ZSCAN9: variants seen among roughly 807,000 people sequenced by gnomAD.
ZSCAN9 encodes the protein zinc finger and SCAN domain-containing protein 9.
In ZSCAN9, 19 loss-of-function variants were observed where a neutral mutation model predicts 23.0. That is an observed-to-expected ratio of 0.83 (90% CI 0.58 to 1.21). ZSCAN9 has a LOEUF of 1.21. Among genes scored for constraint, ZSCAN9 ranks in the 50% most tolerant of loss-of-function variants. ZSCAN9 has a pLI of 0.00. For synonymous variants in ZSCAN9, 155 were observed against 164.8 expected (o/e 0.94, Z 0.46); for missense variants, 467 against 471.5 (o/e 0.99, Z 0.09).
At chr6:28,227,980 G>A (rs998438208) in intron 3 of ZSCAN9, 143 bp downstream of exon 3, 1 of 1,012,244 alleles carries the variant, frequency 9.9e-7, no homozygotes, top group African/African-American at 1.6e-5. Flanking sequence ...AGAGCCTAGT[G>A]TGCTCATCTT....
intron 3 of ZSCAN9, among the ~76,000 whole-genome samples, chr6:28,232,235 G>C (rs562712719): frequency 6.6e-6 from 1 of 152,328 alleles, no homozygotes; most frequent in East Asian, 1.9e-4. Context: ...GGAGACTGAG[G>C]CAGGAGAATC....
chr6:28,227,641 TCAGA>T (rs1420353776), intron 2 of ZSCAN9, 45 bp from the exon 3 acceptor site: 4 of 1,581,498 alleles, frequency 2.5e-6, no homozygotes, highest in Non-Finnish European at 3.4e-6. Context: ...AGTGTTTATT[TCAGA>T]CAGTTAATTT....
chr6:28,233,040 G>T lies in ZSCAN9; in HGVS notation c.1047G>T (p.Arg349=). 1 of 1,614,150 alleles carries T rather than the reference G, an allele frequency of 6.2e-7. No homozygotes were observed. Among genetic ancestry groups the T allele is most frequent in the Non-Finnish European group, 8.5e-7 (1 of 1,180,000 alleles). The change falls in exon 4 of 4, where the codon CGG becomes CGT. Residue 349 remains arginine (R), a synonymous_variant. Transcript: ENST00000252207. ...GCCAGTGCAGTAAGAGCTACAGTCG[G>T]CGTTCATTTCTCATTGAACATCAGA... is the stretch of plus-strand genomic sequence containing the variant. ...QCSQCSKSYS[R]RSFLIEHQRS... is the part of the protein sequence containing the mutation.
chr6:28,231,590 C>T (rs1760302426), intron 3 of ZSCAN9, among the ~76,000 whole-genome samples: 1 of 152,130 alleles, frequency 6.6e-6, no homozygotes, highest in Non-Finnish European at 1.5e-5. Context: ...ACTAAAAATA[C>T]AAACAAACAA....
At chr6:28,225,707 A>G (rs1259410415) in intron 1 of ZSCAN9, among the ~76,000 whole-genome samples, 1 of 152,202 alleles carries the variant, frequency 6.6e-6, no homozygotes, top group East Asian at 1.9e-4. Context: ...ATACCCTCTT[A>G]CCTCTAGATT....
Position 28,232,906 on chromosome 6 carries a change from A to G in ZSCAN9, c.913A>G (p.Asn305Asp). Residue 305 changes from asparagine (N) to aspartate (D), a missense_variant, in exon 4 of 4, where the codon AAT (asparagine) becomes GAT (aspartate). Physicochemically the swap from Asn to Asp is conservative, Grantham distance 23. Coordinates refer to ENST00000252207, the MANE Select transcript of ZSCAN9 (RefSeq NM_006299.5). ...SGLFNHRGIH[N>D]IQKRYHCKEC... The stretch of plus-strand genomic sequence containing the variant: ...TCTTTTTAATCACCGAGGAATCCAC[A>G]ATATACAGAAACGGTACCACTGCAA... The G allele has an allele frequency of 6.2e-7, 1 of 1,614,200 alleles. No individual in the cohort carries two copies.
Position 28,227,299 on chromosome 6 carries a change from G to C in ZSCAN9, c.215G>C (p.Arg72Pro). 1.2e-6 allele frequency: 2 copies of C among 1,614,200 alleles called. No homozygotes were observed. The highest frequency in any genetic ancestry group is 1.7e-6 in the Non-Finnish European group (2 of 1,180,034). ...ETPGPREALT[R>P]LQELCYQWLR... ...CCTGGACCAAGGGAGGCTCTTACTC[G>C]ACTCCAGGAACTTTGCTACCAGTGG... The change falls in exon 2 of 4, where the codon CGA becomes CCA. Residue 72 changes from arginine to proline, a missense_variant. Transcript: ENST00000252207.
At chr6:28,232,346 AAAC>A (rs909392509) in intron 3 of ZSCAN9, among the ~76,000 whole-genome samples, 25 of 152,098 alleles carry the variant, frequency 1.6e-4, no homozygotes, top group African/African-American at 4.6e-4. Flanking sequence ...ACAAAACAAA[AAAC>A]AACGACTCAG....
rs200626964 is a variant in ZSCAN9, at chr6:28,232,937, G to A, written c.944G>A (p.Cys315Tyr). 6.2e-7 allele frequency: 1 copy of A among 1,614,088 alleles called. No individual in the cohort carries two copies. The highest frequency in any genetic ancestry group is 1.1e-5 in the South Asian group (1 of 91,086). ...NIQKRYHCKE[C>Y]GKVFSQSAGL... ...CAGAAACGGTACCACTGCAAGGAGT[G>A]TGGGAAGGTCTTCAGTCAGAGTGCG... Residue 315 changes from cysteine (C) to tyrosine (Y), a missense_variant, in exon 4 of 4, where the codon TGT (cysteine) becomes TAT (tyrosine). Coordinates refer to ENST00000252207, the MANE Select transcript of ZSCAN9 (RefSeq NM_006299.5).
At chr6:28,232,462 A>C in intron 3 of ZSCAN9, 100 bp from the exon 4 acceptor site, 1 of 1,506,390 alleles carries the variant, frequency 6.6e-7, no homozygotes, top group Non-Finnish European at 8.8e-7. Context: ...TTCTGTTTCT[A>C]GCCCACTTCC....
chr6:28,232,922 A>G lies in ZSCAN9; in HGVS notation c.929A>G (p.Tyr310Cys). The G allele has an allele frequency of 6.2e-7, 1 of 1,614,228 alleles. No homozygotes were observed. Among genetic ancestry groups the G allele is most frequent in the East Asian group, 2.2e-5 (1 of 44,890 alleles). ...HRGIHNIQKR[Y>C]HCKECGKVFS... ...GGAATCCACAATATACAGAAACGGT[A>G]CCACTGCAAGGAGTGTGGGAAGGTC... Residue 310 changes from tyrosine (Y) to cysteine (C), a missense_variant, in exon 4 of 4, where the codon TAC (tyrosine) becomes TGC (cysteine). Transcript: ENST00000252207.
rs1760361299 is a variant in ZSCAN9 at position 28,232,912 on chromosome 6, C to A, written c.919C>A (p.Gln307Lys). Residue 307 changes from glutamine (Q) to lysine (K), a missense_variant, in exon 4 of 4, where the codon CAG becomes AAG. Transcript: ENST00000252207. ...TAATCACCGAGGAATCCACAATATA[C>A]AGAAACGGTACCACTGCAAGGAGTG... is the stretch of plus-strand genomic sequence containing the variant. Reference protein sequence around the residue: ...LFNHRGIHNIQKRYHCKECGK... With the variant: ...LFNHRGIHNIKKRYHCKECGK... 6.2e-7 allele frequency: 1 copy of A among 1,614,060 alleles called. No homozygotes were observed. Among genetic ancestry groups the A allele is most frequent in the Admixed American group, 1.7e-5 (1 of 60,004 alleles).
At position 28,230,380 on chromosome 6, in the gene ZSCAN9, G is replaced by C. The variant is rs999792133; in HGVS notation, c.569-2182G>C. The C allele has an allele frequency of 4.6e-6, 7 of 1,535,922 alleles. No homozygotes were observed. In the African/African-American group the frequency reaches 8.2e-5, roughly 18 times the overall value. On this transcript the variant is annotated intron_variant, in intron 3 of 3. Transcript: ENST00000252207. ...GAGAAGGGCAGTACTGATCCCACTT[G>C]GGGCCCATCTGTTCTCTACAGACAC... is the stretch of plus-strand genomic sequence containing the variant.
chr6:28,230,026 G>A (rs1467034675), intron 3 of ZSCAN9, among the ~76,000 whole-genome samples: 1 of 151,838 alleles, frequency 6.6e-6, no homozygotes, highest in Non-Finnish European at 1.5e-5. Flanking sequence ...CCCGGCTAAT[G>A]TTTTGTATTT....
In ZSCAN9 at chr6:28,227,083, A is replaced by G; in HGVS notation, c.-2A>G. The G allele has an allele frequency of 6.2e-7, 1 of 1,612,246 alleles. No individual in the cohort carries two copies. The highest frequency in any genetic ancestry group is 8.5e-7 in the Non-Finnish European group (1 of 1,178,946). ...GTACCTTTTAAGCTGTTCAAGGTCA[A>G]GATGAATACAAACTCAAAGGAGGTT... On this transcript the variant is annotated 5_prime_UTR_variant, in exon 2 of 4. Coordinates refer to ENST00000252207, the MANE Select transcript of ZSCAN9 (RefSeq NM_006299.5).
intron 3 of ZSCAN9, 98 bp from the exon 4 acceptor site, chr6:28,232,464 C>G: frequency 6.6e-7 from 1 of 1,508,452 alleles, no homozygotes; most frequent in Non-Finnish European, 8.8e-7. Context: ...CTGTTTCTAG[C>G]CCACTTCCTT....
chr6:28,228,124 T>A, intron 3 of ZSCAN9: 1 of 670,228 alleles, frequency 1.5e-6, no homozygotes, highest in Non-Finnish European at 2.7e-6. Flanking sequence ...GACTTCAAGG[T>A]TTGACAGACA....
rs571866982 is a variant in ZSCAN9 at position 28,233,366 on chromosome 6, C to T, written c.*188C>T. 1.1e-5 allele frequency: 11 copies of T among 993,022 alleles called. No homozygotes were observed. Among genetic ancestry groups the T allele is most frequent in the Non-Finnish European group, 1.3e-5 (9 of 712,698 alleles). 61.5% of individuals were successfully genotyped at this position (993,022 alleles called of 1,614,324 possible). A position where few individuals can be genotyped will look rare whatever the true frequency, so the allele number is the denominator to read the frequency against. ...ACTGTTTTCTCTTTTGTTCATTTTA[C>T]CTCTTTCTTACTCTTACTAGCTGTG... is the stretch of plus-strand genomic sequence containing the variant. On this transcript the variant is annotated 3_prime_UTR_variant, in exon 4 of 4. Transcript: ENST00000252207.
intron 3 of ZSCAN9, chr6:28,230,200 G>C: frequency 1.3e-6 from 1 of 757,868 alleles, no homozygotes; most frequent in Non-Finnish European, 2.0e-6. Context: ...TAATAACATC[G>C]AGTTTTGTGG....
Sources: allele counts gnomAD v4.1 joint callset (sites outside exome capture counted in the v4.1 genomes callset), GRCh38; gene constraint gnomAD v4.1.1; transcripts MANE v1.5; gene names NCBI Gene and HGNC (gene_info 2026-07-23, HGNC 2026-07-21).